Variants in BCAR3 observed in about 807,000 individuals in gnomAD.
BCAR3 encodes breast cancer anti-estrogen resistance protein 3.
Under a neutral mutation model 80.1 loss-of-function variants are expected in BCAR3, and 37 were observed. The ratio of observed to expected loss-of-function variants is 0.46; its 90% CI spans 0.36 to 0.61. The LOEUF (loss-of-function observed/expected upper bound fraction) is 0.61, where lower values mean the gene tolerates loss of function less well. BCAR3 is among the 20% of genes least tolerant of loss of function. The pLI, the probability that BCAR3 is intolerant of heterozygous loss-of-function variation, is 0.00. For synonymous variants in BCAR3, 389 were observed against 418.9 expected (o/e 0.93, Z 0.87); for missense variants, 978 against 1,068.2 (o/e 0.92, Z 1.18).
At chr1:93,773,745 C>G (rs530158074) in intron 2 of BCAR3, among the ~76,000 whole-genome samples, 7 of 152,156 alleles carry the variant, frequency 4.6e-5, no homozygotes, top group Non-Finnish European at 5.9e-5. Context: ...TCCATTCCCC[C>G]ACCCCAGCCA....
chr1:93,678,712 A>G (rs1300313611), intron 1 of BCAR3, among the ~76,000 whole-genome samples: 1 of 152,172 alleles, frequency 6.6e-6, no homozygotes, highest in African/African-American at 2.4e-5. Context: ...GCGGGTGGAG[A>G]GCTACTTTAC....
At chr1:93,846,445 C>A (rs1355458401) in intron 1 of BCAR3, among the ~76,000 whole-genome samples, 1 of 152,208 alleles carries the variant, frequency 6.6e-6, no homozygotes, top group Non-Finnish European at 1.5e-5. Flanking sequence ...AGTCGCAGAG[C>A]AACCACGCGG....
chr1:93,624,816 C>T (rs527255034), intron 3 of BCAR3, among the ~76,000 whole-genome samples: 16 of 152,210 alleles, frequency 1.1e-4, no homozygotes, highest in Non-Finnish European at 2.1e-4. Context: ...ACTGCAGAGG[C>T]GTGAGGGATG....
rs144458694 is a variant in BCAR3, at chr1:93,642,705, G to A, written c.318-362C>T. Among the ~76,000 whole-genome samples, 584 of 152,348 alleles carry A rather than the reference G, an allele frequency of 3.8e-3. 8 individuals carry two copies. Among genetic ancestry groups the A allele is most frequent in the African/African-American group, 0.014 (568 of 41,586 alleles). ...GGAACGTGTGGCACTTTCGGTCACT[G>A]GTGGTGTCTGGGTTAATCCCCAGAA... On this transcript the variant is annotated intron_variant, in intron 2 of 11. Coordinates refer to ENST00000260502, the MANE Select transcript of BCAR3 (RefSeq NM_003567.4).
chr1:93,848,077 GCTGA>G (rs1655298440), upstream of BCAR3: 1 of 154,940 alleles, frequency 6.5e-6, no homozygotes, highest in South Asian at 1.8e-4. Flanking sequence ...CGTGCGCTGT[GCTGA>G]CTACCTCTCC....
intron 2 of BCAR3, among the ~76,000 whole-genome samples, chr1:93,787,188 C>A (rs1460905473): frequency 6.6e-6 from 1 of 152,208 alleles, no homozygotes; most frequent in Non-Finnish European, 1.5e-5. Flanking sequence ...CAATTCTCAG[C>A]TGACAGAGGC....
intron 2 of BCAR3, among the ~76,000 whole-genome samples, chr1:93,803,965 C>T (rs1300788467): frequency 1.3e-5 from 2 of 152,158 alleles, no homozygotes; most frequent in African/African-American, 4.8e-5. Flanking sequence ...TTGATCCTAT[C>T]CTGCCTCTGT....
chr1:93,720,023 G>A (rs1224169006), intron 2 of BCAR3, among the ~76,000 whole-genome samples: 1 of 152,190 alleles, frequency 6.6e-6, no homozygotes, highest in African/African-American at 2.4e-5. Flanking sequence ...ATTTTCCTGG[G>A]CACTGGTATG....
chr1:93,607,987 G>A (rs1423450932), intron 3 of BCAR3, among the ~76,000 whole-genome samples: 1 of 152,218 alleles, frequency 6.6e-6, no homozygotes. Flanking sequence ...GGCTGGGGAA[G>A]GGCGATGAAT....
intron 2 of BCAR3, among the ~76,000 whole-genome samples, chr1:93,814,272 G>A (rs1202415253): frequency 6.6e-6 from 1 of 152,212 alleles, no homozygotes. Context: ...TGCCTCTGCT[G>A]ATGTGATTGA....
At chr1:93,612,512 C>T (rs1674983098) in intron 3 of BCAR3, among the ~76,000 whole-genome samples, 2 of 152,316 alleles carry the variant, frequency 1.3e-5, no homozygotes, top group Admixed American at 1.3e-4. Context: ...TATAGGCTGA[C>T]TCCCTCATAC....
chr1:93,658,463 A>G (rs1040861754), intron 2 of BCAR3, among the ~76,000 whole-genome samples: 2 of 151,938 alleles, frequency 1.3e-5, no homozygotes, highest in African/African-American at 2.4e-5. Context: ...TCTGGGCAAC[A>G]TGGTGAGACC....
intron 2 of BCAR3, among the ~76,000 whole-genome samples, chr1:93,672,039 G>A (rs1648225611): frequency 6.6e-6 from 1 of 151,960 alleles, no homozygotes; most frequent in South Asian, 2.1e-4. Flanking sequence ...TTAACAATAA[G>A]ATATTTTCAG....
intron 8 of BCAR3, 91 bp downstream of exon 8, chr1:93,575,922 TG>T (rs1673436489): frequency 9.4e-7 from 1 of 1,068,220 alleles, no homozygotes; most frequent in East Asian, 2.4e-5. Flanking sequence ...AGGGCTAGGC[TG>T]GTGCTGCGCC....
chr1:93,588,147 T>C (rs1674021619), intron 5 of BCAR3, among the ~76,000 whole-genome samples: 1 of 152,082 alleles, frequency 6.6e-6, no homozygotes. Flanking sequence ...CTAACTCCCC[T>C]CCTGGACCCC....
intron 3 of BCAR3, among the ~76,000 whole-genome samples, chr1:93,690,694 T>C (rs1042911334): frequency 6.6e-6 from 1 of 152,230 alleles, no homozygotes; most frequent in African/African-American, 2.4e-5. Flanking sequence ...AGTTTCCCCA[T>C]ATGTAAGATG....
chr1:93,562,137 A>AT lies in BCAR3; in HGVS notation c.*103dup, dbSNP rs1672699202. 1 of 1,239,492 alleles carries AT rather than the reference A, an allele frequency of 8.1e-7. No homozygotes were observed. The highest frequency in any genetic ancestry group is 1.1e-6 in the Non-Finnish European group (1 of 893,762). The allele number at this position is 1,239,492 out of a possible 1,614,324, so 76.8% of individuals were successfully genotyped here. ...TCCTGTGGATACTAAAAGCTTGTAT[A>AT]TTGTCAGATTTGCACATTATTACTT... On this transcript the variant is annotated 3_prime_UTR_variant, in exon 12 of 12. Transcript: ENST00000260502.
intron 10 of BCAR3, 70 bp downstream of exon 10, chr1:93,567,670 A>C (rs1673012156): frequency 6.8e-7 from 1 of 1,473,520 alleles, no homozygotes; most frequent in Non-Finnish European, 9.4e-7. Context: ...GGGCCTCATA[A>C]CATGCCCTGT....
At chr1:93,728,603 G>A (rs1650677312) in intron 2 of BCAR3, among the ~76,000 whole-genome samples, 1 of 152,208 alleles carries the variant, frequency 6.6e-6, no homozygotes, top group Non-Finnish European at 1.5e-5. Context: ...AAGGGATGGA[G>A]TCAGGCTACT....
Sources: gnomAD v4.1 joint callset for allele counts (sites outside exome capture counted in the v4.1 genomes callset) on GRCh38, gnomAD v4.1.1 for gene constraint, MANE v1.5 for transcripts, NCBI Gene and HGNC (gene_info 2026-07-23, HGNC 2026-07-21) for gene names.